The following LRRTM4 variants were observed in gnomAD, a reference collection of about 807,000 sequenced individuals.
LRRTM4 encodes the protein leucine rich repeat transmembrane neuronal 4.
A neutral mutation model predicts 47.6 loss-of-function variants in LRRTM4; 25 were observed. The ratio of observed to expected loss-of-function variants is 0.53; its 90% CI spans 0.38 to 0.73. The LOEUF (loss-of-function observed/expected upper bound fraction) is 0.73. Ranked by LOEUF, LRRTM4 falls within the 30% of genes least tolerant of loss-of-function variation. The probability of loss-of-function intolerance (pLI) is 0.00; values close to 1 mark genes in which losing one functional copy is unlikely to be tolerated. For synonymous variants in LRRTM4, 311 were observed against 269.5 expected (o/e 1.15, Z -1.51); for missense variants, 638 against 713.4 (o/e 0.89, Z 1.20).
At chr2:77,391,581 C>T (rs1473025526) in intron 3 of LRRTM4, among the ~76,000 whole-genome samples, 4 of 151,854 alleles carry the variant, frequency 2.6e-5, no homozygotes, top group Non-Finnish European at 5.9e-5. Flanking sequence ...ACCTCGTATG[C>T]CAAGAAGTGT....
At chr2:77,373,392 C>A (rs369051663) in intron 3 of LRRTM4, among the ~76,000 whole-genome samples, 5 of 151,432 alleles carry the variant, frequency 3.3e-5, no homozygotes, top group Admixed American at 6.6e-5. Context: ...CTTAAATTGC[C>A]GTTTGCCTCC....
intron 3 of LRRTM4, among the ~76,000 whole-genome samples, chr2:76,781,593 A>G (rs1409148981): frequency 4.6e-5 from 7 of 152,222 alleles, no homozygotes; most frequent in South Asian, 2.1e-4. Context: ...AAGTGAGGCA[A>G]TGCCTCGCCC....
chr2:76,968,338 G>GTA (rs1444483668), intron 3 of LRRTM4, among the ~76,000 whole-genome samples: 4 of 89,832 alleles, frequency 4.5e-5, no homozygotes, highest in South Asian at 3.9e-4. Context: ...GTGTGTATGT[G>GTA]TGTATATATA....
intron 3 of LRRTM4, among the ~76,000 whole-genome samples, chr2:76,984,857 A>T (rs1001097850): frequency 3.3e-5 from 5 of 152,130 alleles, no homozygotes; most frequent in Non-Finnish European, 7.4e-5. Flanking sequence ...CATGATGAAA[A>T]AATTGATGTA....
At chr2:77,465,249 G>T (rs1377120138) in intron 3 of LRRTM4, among the ~76,000 whole-genome samples, 1 of 152,044 alleles carries the variant, frequency 6.6e-6, no homozygotes, top group Non-Finnish European at 1.5e-5. Flanking sequence ...CAAGTGTTCA[G>T]CAAATACTTA....
intron 3 of LRRTM4, among the ~76,000 whole-genome samples, chr2:76,801,456 T>C (rs994578701): frequency 7.9e-5 from 12 of 151,912 alleles, no homozygotes; most frequent in African/African-American, 1.9e-4. Flanking sequence ...TAGGTGGGAA[T>C]TGAACAATGA....
intron 3 of LRRTM4, among the ~76,000 whole-genome samples, chr2:77,075,324 T>G (rs1188598475): frequency 2.6e-5 from 4 of 152,190 alleles, no homozygotes; most frequent in Non-Finnish European, 5.9e-5. Flanking sequence ...TAATTGGAAG[T>G]CTGTGTCAGT....
At chr2:76,909,650 A>T (rs1050868356) in intron 3 of LRRTM4, among the ~76,000 whole-genome samples, 4 of 152,116 alleles carry the variant, frequency 2.6e-5, no homozygotes, top group African/African-American at 9.7e-5. Flanking sequence ...ATTTACAAGA[A>T]AAAAACAAAC....
At chr2:77,222,800 C>A (rs576020701) in intron 3 of LRRTM4, among the ~76,000 whole-genome samples, 218 of 152,272 alleles carry the variant, frequency 1.4e-3, no homozygotes, top group Non-Finnish European at 1.9e-3. Context: ...TGGTACTATT[C>A]CTTCTGAAAC....
At chr2:77,148,282 T>A (rs566376339) in intron 3 of LRRTM4, among the ~76,000 whole-genome samples, 2 of 152,274 alleles carry the variant, frequency 1.3e-5, no homozygotes, top group South Asian at 2.1e-4. Context: ...AAAAGGGGAA[T>A]GATTTGGCAT....
intron 3 of LRRTM4, among the ~76,000 whole-genome samples, chr2:77,041,915 C>T (rs1187661016): frequency 3.7e-5 from 4 of 108,092 alleles, no homozygotes; most frequent in Admixed American, 9.1e-5. Context: ...ACAAAAGACC[C>T]GGAATGGAAT....
Position 76,778,437 on chromosome 2 carries a change from C to A in LRRTM4, c.1552-29521G>T, listed in dbSNP as rs377191833. Among the ~76,000 whole-genome samples the A allele has an allele frequency of 1.4e-4, 21 of 146,072 alleles. 1 individual carries two copies. The highest frequency in any genetic ancestry group is 9.8e-4 in the East Asian group (5 of 5,088). On this transcript the variant is annotated intron_variant, in intron 3 of 3. Transcript: ENST00000409884. ...CTATTGATTATTGCCACAATTTCAG[C>A]TCCTGTTATTGGTCTATTCAGAGAT...
intron 3 of LRRTM4, among the ~76,000 whole-genome samples, chr2:77,482,203 G>A (rs1037868124): frequency 6.6e-6 from 1 of 152,116 alleles, no homozygotes. Context: ...ATTTGAAGTT[G>A]CTGGTGCTTT....
chr2:76,882,531 A>G (rs1328253116), intron 3 of LRRTM4, among the ~76,000 whole-genome samples: 1 of 146,988 alleles, frequency 6.8e-6, no homozygotes, highest in Admixed American at 7.1e-5. Flanking sequence ...ATCTCTATAA[A>G]AAGTTAAAAA....
intron 3 of LRRTM4, among the ~76,000 whole-genome samples, chr2:77,224,147 G>C (rs562040211): frequency 6.6e-6 from 1 of 151,548 alleles, no homozygotes; most frequent in South Asian, 2.1e-4. Flanking sequence ...TGGGAAAACT[G>C]GCTAGCCATA....
intron 3 of LRRTM4, among the ~76,000 whole-genome samples, chr2:77,218,502 C>CTTTATTTATTTA (rs10607132): frequency 1.4e-5 from 2 of 146,018 alleles, no homozygotes; most frequent in Admixed American, 6.9e-5. Flanking sequence ...CCATGTTCTG[C>CTTTATTTATTTA]TTTATTTATT....
At chr2:77,028,285 C>T (rs1678523808) in intron 3 of LRRTM4, among the ~76,000 whole-genome samples, 1 of 152,046 alleles carries the variant, frequency 6.6e-6, no homozygotes, top group African/African-American at 2.4e-5. Context: ...TTCAACGATA[C>T]AGAAATAGAA....
intron 3 of LRRTM4, among the ~76,000 whole-genome samples, chr2:76,966,340 GA>G (rs1463866179): frequency 1.3e-5 from 2 of 151,262 alleles, no homozygotes; most frequent in African/African-American, 4.8e-5. Flanking sequence ...AAGTGGGAGA[GA>G]AAGAAAAGAG....
At chr2:76,988,347 T>C (rs1676876976) in intron 3 of LRRTM4, among the ~76,000 whole-genome samples, 1 of 151,880 alleles carries the variant, frequency 6.6e-6, no homozygotes, top group Non-Finnish European at 1.5e-5. Flanking sequence ...CAAAACATGG[T>C]ACATGTTCCA....
Sources: allele counts gnomAD v4.1 joint callset (sites outside exome capture counted in the v4.1 genomes callset), GRCh38; gene constraint gnomAD v4.1.1; transcripts MANE v1.5; gene names NCBI Gene and HGNC (gene_info 2026-07-23, HGNC 2026-07-21).